KSR2: variants seen among roughly 807,000 people sequenced by gnomAD.
KSR2 encodes the protein kinase suppressor of ras 2.
A neutral mutation model predicts 107.8 loss-of-function variants in KSR2; 25 were observed. The observed-to-expected ratio is 0.23, with a 90% CI of 0.17 to 0.32. The LOEUF is 0.32. Ranked by LOEUF, KSR2 falls within the 10% of genes least tolerant of loss-of-function variation. The pLI, the probability that KSR2 is intolerant of heterozygous loss-of-function variation, is 1.00. For synonymous variants in KSR2, 480 were observed against 507.0 expected, an observed-to-expected ratio of 0.95 and a Z score of 0.71; for missense variants, 887 against 1,268.9, an observed-to-expected ratio of 0.70 and a Z score of 4.57.
chr12:117,870,729 C>T lies in KSR2; in HGVS notation c.181-10298G>A, dbSNP rs144245155. ...AGGTCACCAAGAGACTGAGATCCTGCGCTTGCCAAGGAGCTAGAACCAAGG... is the reference window on the plus strand; with the variant it reads ...AGGTCACCAAGAGACTGAGATCCTGTGCTTGCCAAGGAGCTAGAACCAAGG... On this transcript the variant is annotated intron_variant, in intron 1 of 19. Transcript: ENST00000339824. Among the ~76,000 whole-genome samples, 236 of 152,276 alleles carry T rather than the reference C, an allele frequency of 1.5e-3. 1 individual carries two copies. Among genetic ancestry groups the T allele is most frequent in the African/African-American group, 5.4e-3 (223 of 41,570 alleles).
intron 5 of KSR2, among the ~76,000 whole-genome samples, chr12:117,585,225 C>T (rs1593020963): frequency 6.6e-6 from 1 of 152,218 alleles, no homozygotes; most frequent in Non-Finnish European, 1.5e-5. Flanking sequence ...TGCTTCTCTG[C>T]TTGTCTAGCC....
intron 1 of KSR2, among the ~76,000 whole-genome samples, chr12:117,936,265 C>T (rs1240803933): frequency 2.0e-5 from 3 of 151,888 alleles, no homozygotes; most frequent in Non-Finnish European, 4.4e-5. Context: ...TGAGTTCAAG[C>T]GATCTGCCTG....
At chr12:117,952,765 C>T (rs895326240) in intron 1 of KSR2, among the ~76,000 whole-genome samples, 1 of 151,926 alleles carries the variant, frequency 6.6e-6, no homozygotes, top group African/African-American at 2.4e-5. Context: ...AGGAGGATCA[C>T]CTGAGGTCAA....
At chr12:117,824,856 C>CAAA (rs146100153) in intron 3 of KSR2, among the ~76,000 whole-genome samples, 2 of 74,962 alleles carry the variant, frequency 2.7e-5, no homozygotes, top group Admixed American at 1.7e-4. Context: ...GACTCTATCT[C>CAAA]AAAAAAAAAA....
At chr12:117,916,326 G>A (rs1021206485) in intron 1 of KSR2, among the ~76,000 whole-genome samples, 18 of 151,712 alleles carry the variant, frequency 1.2e-4, no homozygotes, top group African/African-American at 3.1e-4. Context: ...TAGTAGAGAC[G>A]GGGTTTCACT....
chr12:117,525,281 G>A, intron 13 of KSR2, 62 bp from the exon 14 acceptor site: 2 of 1,490,860 alleles, frequency 1.3e-6, no homozygotes, highest in Non-Finnish European at 1.8e-6. Flanking sequence ...CTCCCTCATG[G>A]TCCTGCTGGG....
intron 4 of KSR2, among the ~76,000 whole-genome samples, chr12:117,687,282 C>G (rs771926225): frequency 6.6e-6 from 1 of 152,282 alleles, no homozygotes; most frequent in African/African-American, 2.4e-5. Context: ...TAAACATCAG[C>G]AAGTATGATC....
At chr12:117,700,997 G>A (rs1489356926) in intron 4 of KSR2, among the ~76,000 whole-genome samples, 2 of 152,106 alleles carry the variant, frequency 1.3e-5, no homozygotes, top group Non-Finnish European at 2.9e-5. Flanking sequence ...TAGATGACTG[G>A]GGAAAAACAC....
intron 1 of KSR2, among the ~76,000 whole-genome samples, chr12:117,888,132 A>G (rs149324796): frequency 2.4e-4 from 37 of 152,308 alleles, no homozygotes; most frequent in Non-Finnish European, 4.9e-4. Context: ...GAGAATAACC[A>G]TCAAACTACC....
chr12:117,772,686 TACAC>T (rs1433706381), intron 3 of KSR2, among the ~76,000 whole-genome samples: 2 of 124,996 alleles, frequency 1.6e-5, no homozygotes, highest in African/African-American at 6.2e-5. Context: ...CACTCACACA[TACAC>T]ACCATTCCCC....
intron 3 of KSR2, among the ~76,000 whole-genome samples, chr12:117,764,516 A>G (rs1177791800): frequency 1.3e-5 from 2 of 152,172 alleles, no homozygotes; most frequent in African/African-American, 2.4e-5. Context: ...GCTGTCTGTG[A>G]AAGAGAACTG....
chr12:117,748,996 C>G (rs1469873812), intron 4 of KSR2, among the ~76,000 whole-genome samples: 1 of 151,370 alleles, frequency 6.6e-6, no homozygotes, highest in Non-Finnish European at 1.5e-5. Flanking sequence ...CAGAATGGGC[C>G]CTCTGAGGGC....
intron 17 of KSR2, among the ~76,000 whole-genome samples, chr12:117,475,331 C>A (rs1344143797): frequency 1.3e-5 from 2 of 152,148 alleles, no homozygotes; most frequent in South Asian, 2.1e-4. Context: ...TATCTCACCA[C>A]CCCCAGCCTA....
intron 4 of KSR2, among the ~76,000 whole-genome samples, chr12:117,734,850 G>C (rs569020070): frequency 4.6e-5 from 7 of 152,258 alleles, no homozygotes; most frequent in African/African-American, 1.7e-4. Flanking sequence ...TTTCACTCTG[G>C]GGTGAACCCA....
chr12:117,962,844 A>G (rs1051005725), intron 1 of KSR2, among the ~76,000 whole-genome samples: 2 of 152,102 alleles, frequency 1.3e-5, no homozygotes, highest in Non-Finnish European at 1.5e-5. Context: ...TGCAAAAAGT[A>G]TATCAATTTC....
intron 3 of KSR2, among the ~76,000 whole-genome samples, chr12:117,815,685 T>C (rs1438001583): frequency 6.6e-6 from 1 of 151,946 alleles, no homozygotes; most frequent in Non-Finnish European, 1.5e-5. Flanking sequence ...AGAAAGTGTG[T>C]GTGTGGGGGG....
intron 7 of KSR2, among the ~76,000 whole-genome samples, chr12:117,573,467 T>A (rs1476720927): frequency 6.6e-6 from 1 of 150,672 alleles, no homozygotes; most frequent in Non-Finnish European, 1.5e-5. Flanking sequence ...GGCAGCAGAG[T>A]CAGGGTTCAA....
At chr12:117,911,247 T>G (rs1895006325) in intron 1 of KSR2, among the ~76,000 whole-genome samples, 1 of 151,962 alleles carries the variant, frequency 6.6e-6, no homozygotes, top group South Asian at 2.1e-4. Flanking sequence ...GTGGGCTTGG[T>G]CATGTGACTT....
chr12:117,725,875 AG>A (rs797008248), intron 4 of KSR2, among the ~76,000 whole-genome samples: 94 of 152,258 alleles, frequency 6.2e-4, no homozygotes, highest in African/African-American at 2.1e-3. Context: ...TAAACCCAGG[AG>A]GTAGAGGTTG....
Sources: allele counts gnomAD v4.1 joint callset (sites outside exome capture counted in the v4.1 genomes callset), GRCh38; gene constraint gnomAD v4.1.1; transcripts MANE v1.5; gene names NCBI Gene and HGNC (gene_info 2026-07-23, HGNC 2026-07-21).